Variants in GON4L observed in about 807,000 individuals in gnomAD.
GON4L encodes the protein gon-4 like, also known as GON-4-like protein.
In GON4L, 87 loss-of-function variants were observed where a neutral mutation model predicts 211.8. The observed-to-expected ratio is 0.41, with a 90% CI of 0.35 to 0.49. GON4L has a LOEUF of 0.49. Ranked by LOEUF, GON4L falls within the 20% of genes least tolerant of loss-of-function variation. The probability of loss-of-function intolerance (pLI) is 0.15; values close to 1 mark genes in which losing one functional copy is unlikely to be tolerated. For synonymous variants in GON4L, 875 were observed against 962.6 expected, an observed-to-expected ratio of 0.91 and a Z score of 1.68; for missense variants, 2,155 against 2,659.5, an observed-to-expected ratio of 0.81 and a Z score of 4.17.
chr1:155,821,599 C>T, intron 4 of GON4L, 51 bp from the exon 5 acceptor site: 7 of 981,990 alleles, frequency 7.1e-6, no homozygotes, highest in South Asian at 1.3e-5. Flanking sequence ...GTCACCTAGA[C>T]AATACTCATC....
intron 17 of GON4L, 54 bp from the exon 18 acceptor site, chr1:155,773,264 A>T: frequency 6.2e-7 from 1 of 1,604,466 alleles, no homozygotes; most frequent in Non-Finnish European, 8.5e-7. Flanking sequence ...AGAGGGCTTC[A>T]TAAAAGCCTG....
downstream of GON4L, among the ~76,000 whole-genome samples, chr1:155,745,391 G>A (rs1168291985): frequency 6.6e-6 from 1 of 152,228 alleles, no homozygotes; most frequent in Non-Finnish European, 1.5e-5. Context: ...AAGAGATGAG[G>A]GGGCATGGGA....
At chr1:155,748,515 G>C (rs1660343626), downstream of GON4L, 1 of 1,613,872 alleles carries the variant, frequency 6.2e-7, no homozygotes, top group Non-Finnish European at 8.5e-7. Flanking sequence ...GACATGCTGA[G>C]CTTCTGTGGG....
chr1:155,845,438 C>A, intron 2 of GON4L: 1 of 343,596 alleles, frequency 2.9e-6, no homozygotes, highest in South Asian at 2.5e-5. Flanking sequence ...TGTGGTGGAT[C>A]ATTTCAACAG....
At chr1:155,751,474 G>A (rs1425906637) in intron 31 of GON4L, among the ~76,000 whole-genome samples, 2 of 152,150 alleles carry the variant, frequency 1.3e-5, no homozygotes, top group Non-Finnish European at 2.9e-5. Flanking sequence ...ACTTGAACCT[G>A]GGAGGTGGAG....
intron 6 of GON4L, among the ~76,000 whole-genome samples, chr1:155,818,387 C>G (rs1019797104): frequency 6.6e-6 from 1 of 152,184 alleles, no homozygotes; most frequent in East Asian, 1.9e-4. Flanking sequence ...GCTGGGATTA[C>G]AGGCATGAGC....
chr1:155,795,787 G>A (rs888719993), intron 11 of GON4L, among the ~76,000 whole-genome samples: 4 of 152,128 alleles, frequency 2.6e-5, no homozygotes, highest in Non-Finnish European at 5.9e-5. Context: ...TTAGGCACAT[G>A]CCACCATGCC....
chr1:155,835,234 C>A (rs1490248869), intron 2 of GON4L, among the ~76,000 whole-genome samples: 5 of 152,094 alleles, frequency 3.3e-5, no homozygotes, highest in African/African-American at 1.2e-4. Flanking sequence ...AAGGGCGGTG[C>A]AAGATGTGCT....
chr1:155,794,847 C>G (rs935187107), intron 12 of GON4L, among the ~76,000 whole-genome samples: 1 of 152,112 alleles, frequency 6.6e-6, no homozygotes, highest in South Asian at 2.1e-4. Context: ...ACTGAATACA[C>G]GACTGTGGGA....
intron 2 of GON4L, among the ~76,000 whole-genome samples, chr1:155,847,030 G>A (rs752437443): frequency 2.0e-5 from 3 of 152,222 alleles, no homozygotes; most frequent in Non-Finnish European, 4.4e-5. Context: ...AAACACAGGA[G>A]TTGAATTTTC....
intron 24 of GON4L, among the ~76,000 whole-genome samples, chr1:155,759,125 T>C (rs1166244448): frequency 6.6e-6 from 1 of 152,006 alleles, no homozygotes; most frequent in Non-Finnish European, 1.5e-5. Flanking sequence ...GCCACCCAAA[T>C]AGCTGGGACC....
At chr1:155,745,801 G>A (rs1228622683), downstream of GON4L, 1 of 605,898 alleles carries the variant, frequency 1.7e-6, no homozygotes, top group Middle Eastern at 4.4e-4. Context: ...CGCGGCTGAG[G>A]CGCGGCGGCC....
chr1:155,792,865 T>TC (rs1439135459), intron 12 of GON4L, among the ~76,000 whole-genome samples: 2 of 152,110 alleles, frequency 1.3e-5, no homozygotes, highest in Non-Finnish European at 2.9e-5. Context: ...CAAGTGATCC[T>TC]CCCACCTCAG....
intron 12 of GON4L, among the ~76,000 whole-genome samples, chr1:155,790,675 G>C (rs1192125873): frequency 6.6e-6 from 1 of 152,134 alleles, no homozygotes; most frequent in African/African-American, 2.4e-5. Context: ...GCCGGGCACA[G>C]TGGCTCACGC....
At chr1:155,798,684 G>A (rs928416678) in intron 11 of GON4L, among the ~76,000 whole-genome samples, 2 of 149,650 alleles carry the variant, frequency 1.3e-5, no homozygotes, top group African/African-American at 2.5e-5. Flanking sequence ...CTCCCAAAGC[G>A]CAGGGATTAG....
chr1:155,762,499 T>C (rs890376767), intron 22 of GON4L, 125 bp from the exon 23 acceptor site: 2 of 790,302 alleles, frequency 2.5e-6, no homozygotes, highest in African/African-American at 3.5e-5. Flanking sequence ...GAAAAGGTTT[T>C]TGGGAAAATG....
intron 14 of GON4L, among the ~76,000 whole-genome samples, chr1:155,779,788 AATTTATTT>A (rs542685266): frequency 2.0e-5 from 3 of 151,672 alleles, no homozygotes; most frequent in South Asian, 2.1e-4. Flanking sequence ...TTAGAAGAGG[AATTTATTT>A]ATTTATTTAT....
At chr1:155,782,958 C>G (rs1014778357) in intron 14 of GON4L, among the ~76,000 whole-genome samples, 1 of 152,162 alleles carries the variant, frequency 6.6e-6, no homozygotes, top group African/African-American at 2.4e-5. Flanking sequence ...TGCGCCCAGC[C>G]TACACTTCCC....
intron 2 of GON4L, chr1:155,831,532 T>A (rs1042119956): frequency 4.6e-5 from 7 of 151,984 alleles, no homozygotes; most frequent in African/African-American, 1.7e-4. Flanking sequence ...CAGTGGCTCA[T>A]ACCTGTAAGC....
Sources: gnomAD v4.1 joint callset for allele counts (sites outside exome capture counted in the v4.1 genomes callset) on GRCh38, gnomAD v4.1.1 for gene constraint, MANE v1.5 for transcripts, NCBI Gene and HGNC (gene_info 2026-07-23, HGNC 2026-07-21) for gene names.